Variants in IBTK observed in about 807,000 individuals in gnomAD.
IBTK encodes inhibitor of Bruton tyrosine kinase, also known as BTK-binding protein.
IBTK carries 83 observed loss-of-function variants against 154.9 expected under a neutral mutation model. The ratio of observed to expected loss-of-function variants is 0.54; its 90% CI spans 0.45 to 0.64. The LOEUF (loss-of-function observed/expected upper bound fraction) is 0.64. IBTK is among the 30% of genes least tolerant of loss of function. The probability of loss-of-function intolerance (pLI) is 0.00; values close to 1 mark genes in which losing one functional copy is unlikely to be tolerated. For synonymous variants in IBTK, 515 were observed against 536.1 expected (o/e 0.96, Z 0.54); for missense variants, 1,332 against 1,584.6 (o/e 0.84, Z 2.71).
chr6:82,173,295 C>A lies in IBTK; in HGVS notation c.3797+72G>T. The A allele has an allele frequency of 1.8e-6, 2 of 1,121,414 alleles. 1 individual carries two copies. The highest frequency in any genetic ancestry group is 4.8e-5 in the East Asian group (2 of 41,536). 69.5% of individuals were successfully genotyped at this position (1,121,414 alleles called of 1,614,324 possible). ...GGGATTATAGGCATGAGCCACTGCA[C>A]TCAGCCTTAATGTTTTCAATGCTAA... is the stretch of plus-strand genomic sequence containing the variant. On this transcript the variant is annotated intron_variant, in intron 27 of 28. Transcript: ENST00000306270.
chr6:82,172,059 C>T (rs1422303141), intron 28 of IBTK, among the ~76,000 whole-genome samples: 1 of 152,086 alleles, frequency 6.6e-6, no homozygotes, highest in Non-Finnish European at 1.5e-5. Flanking sequence ...AGAATTCTTA[C>T]TGATACAGAA....
rs113518404 is a variant in IBTK, at chr6:82,188,133, G to A, written c.3575+2940C>T. ...CAGGGGTCCCTAAGGAATCTGATAC[G>A]TTACCCTATAGTCACACCTATCAGT... is the stretch of plus-strand genomic sequence containing the variant. On this transcript the variant is annotated intron_variant, in intron 25 of 28. Coordinates refer to ENST00000306270, the MANE Select transcript of IBTK (RefSeq NM_015525.4). 3.1e-3 allele frequency among the ~76,000 whole-genome samples: 469 copies of A among 152,246 alleles called. 4 individuals carry two copies. The highest frequency in any genetic ancestry group is 0.01 in the African/African-American group (430 of 41,560).
rs1771096482 is a variant in IBTK at position 82,245,145 on chromosome 6, A to G, written c.-358+2417T>C. 2.0e-5 allele frequency among the ~76,000 whole-genome samples: 3 copies of G among 152,340 alleles called. No homozygotes were observed. In the South Asian group the frequency reaches 6.2e-4, roughly 32 times the overall value. ...TTATTTAGGCAAGTAACTAAAACATATCATAATTATAAACCTATGGTCAAG... is the reference window on the plus strand; with the variant it reads ...TTATTTAGGCAAGTAACTAAAACATGTCATAATTATAAACCTATGGTCAAG... On this transcript the variant is annotated intron_variant, in intron 1 of 28. Transcript: ENST00000306270.
At chr6:82,199,396 G>A (rs1769116630) in intron 21 of IBTK, among the ~76,000 whole-genome samples, 2 of 152,046 alleles carry the variant, frequency 1.3e-5, no homozygotes, top group African/African-American at 4.8e-5. Context: ...CATCTTTTCA[G>A]TAAGTTAAAT....
intron 16 of IBTK, among the ~76,000 whole-genome samples, chr6:82,209,667 A>C (rs867780189): frequency 2.0e-5 from 3 of 152,350 alleles, no homozygotes; most frequent in Middle Eastern, 3.4e-3. Context: ...ATTCATAAAC[A>C]TACTAAAAAC....
intron 25 of IBTK, among the ~76,000 whole-genome samples, chr6:82,184,380 A>T (rs1175237718): frequency 6.6e-6 from 1 of 152,198 alleles, no homozygotes; most frequent in Non-Finnish European, 1.5e-5. Context: ...TTTATATTGT[A>T]TGGGTTAGCT....
At chr6:82,225,693 C>T (rs1408503062) in intron 5 of IBTK, 46 bp from the exon 6 acceptor site, 4 of 1,381,710 alleles carry the variant, frequency 2.9e-6, no homozygotes, top group Non-Finnish European at 4.0e-6. Flanking sequence ...ACCATTTATA[C>T]AGATATGCAA....
At chr6:82,188,201 TAAGAG>T (rs987697495) in intron 25 of IBTK, among the ~76,000 whole-genome samples, 2 of 152,142 alleles carry the variant, frequency 1.3e-5, no homozygotes, top group African/African-American at 4.8e-5. Context: ...AGTCAGAACT[TAAGAG>T]AAAACAATCA....
At chr6:82,245,988 G>A (rs1375284308) in intron 1 of IBTK, among the ~76,000 whole-genome samples, 1 of 152,148 alleles carries the variant, frequency 6.6e-6, no homozygotes, top group African/African-American at 2.4e-5. Flanking sequence ...ATTATACACA[G>A]TGCTCTACAT....
At chr6:82,174,680 T>TTACTA (rs2127796208) in intron 26 of IBTK, among the ~76,000 whole-genome samples, 1 of 152,106 alleles carries the variant, frequency 6.6e-6, no homozygotes, top group Non-Finnish European at 1.5e-5. Flanking sequence ...GCAAACAAAT[T>TTACTA]TACTAAAAGC....
At chr6:82,209,211 G>A (rs1483667855) in intron 16 of IBTK, among the ~76,000 whole-genome samples, 3 of 152,106 alleles carry the variant, frequency 2.0e-5, no homozygotes, top group Non-Finnish European at 2.9e-5. Flanking sequence ...CAGCATTTCC[G>A]CTTCTAGGTA....
At chr6:82,179,295 A>G (rs937181910) in intron 26 of IBTK, among the ~76,000 whole-genome samples, 7 of 152,258 alleles carry the variant, frequency 4.6e-5, no homozygotes, top group African/African-American at 1.4e-4. Flanking sequence ...AGGCTGTTCT[A>G]TGTTTTGTCT....
At chr6:82,233,052 TGA>T (rs1770568303) in intron 3 of IBTK, among the ~76,000 whole-genome samples, 1 of 149,790 alleles carries the variant, frequency 6.7e-6, no homozygotes, top group African/African-American at 2.5e-5. Context: ...CTCAGGAGGC[TGA>T]GAGAAGAGAG....
intron 16 of IBTK, among the ~76,000 whole-genome samples, 177 bp downstream of exon 16, chr6:82,210,637 C>A (rs1769599902): frequency 6.6e-6 from 1 of 151,338 alleles, no homozygotes; most frequent in African/African-American, 2.4e-5. Context: ...CTAGCCTGGG[C>A]AACATAGTAA....
At position 82,194,606 on chromosome 6, in the gene IBTK, C is replaced by T. The variant is rs748847598; in HGVS notation, c.3211G>A (p.Val1071Met). Residue 1071 changes from valine (V) to methionine (M), a missense_variant, in exon 23 of 29, where the codon GTG becomes ATG. Around this residue, in one of 3 missense-constraint regions of IBTK, gnomAD observed 1,134 missense variants for 1,274.7 expected, o/e 0.89. Coordinates refer to ENST00000306270, the MANE Select transcript of IBTK (RefSeq NM_015525.4). Reference protein sequence around the residue: ...VKPYVNGTSPVYSREDLKPWE... With the variant: ...VKPYVNGTSPMYSREDLKPWE... Reference sequence around the variant, plus strand: ...GGTTTTAAATCTTCCCTAGAATACACAGGAGATGTACCATTAACATACGGT... The same window carrying T: ...GGTTTTAAATCTTCCCTAGAATACATAGGAGATGTACCATTAACATACGGT... 3 of 1,606,316 alleles carry T rather than the reference C, an allele frequency of 1.9e-6. No individual in the cohort carries two copies. The highest frequency in any genetic ancestry group is 1.7e-5 in the Admixed American group (1 of 59,108).
rs1431630200 is a variant in IBTK at position 82,200,053 on chromosome 6, T to C, written c.3025+88A>G. ...TCACTTTTGGTACCTCCATAAGGACTGTTTATTTCAGTAGCCCCAGCAGAT... is the reference window on the plus strand; with the variant it reads ...TCACTTTTGGTACCTCCATAAGGACCGTTTATTTCAGTAGCCCCAGCAGAT... On this transcript the variant is annotated intron_variant, in intron 21 of 28. Transcript: ENST00000306270. 3.6e-6 allele frequency: 3 copies of C among 829,870 alleles called. No homozygotes were observed. The African/African-American group carries it at 5.1e-5, about 14-fold the overall frequency. The allele number at this position is 829,870 out of a possible 1,614,324, so 51.4% of individuals were successfully genotyped here. A position where few individuals can be genotyped will look rare whatever the true frequency, so the allele number is the denominator to read the frequency against.
At chr6:82,196,934 A>G (rs544099044) in intron 21 of IBTK, among the ~76,000 whole-genome samples, 5 of 152,192 alleles carry the variant, frequency 3.3e-5, no homozygotes, top group Non-Finnish European at 7.3e-5. Context: ...ACCCCATAGC[A>G]GAGGCTCCCG....
intron 23 of IBTK, among the ~76,000 whole-genome samples, chr6:82,193,775 G>A (rs562726247): frequency 2.5e-4 from 38 of 151,908 alleles, no homozygotes; most frequent in African/African-American, 2.4e-5. Flanking sequence ...TCCGCCTCCC[G>A]GGTTCAAACG....
chr6:82,176,625 TA>T (rs1269450831), intron 26 of IBTK, among the ~76,000 whole-genome samples: 1 of 146,322 alleles, frequency 6.8e-6, no homozygotes, highest in Non-Finnish European at 1.5e-5. Context: ...GCACATGAAA[TA>T]AAAAAGAATA....
Sources: gnomAD v4.1 joint callset for allele counts (sites outside exome capture counted in the v4.1 genomes callset) on GRCh38, gnomAD v4.1.1 for gene constraint, gnomAD v4.1.1 regional missense constraint, MANE v1.5 for transcripts, NCBI Gene and HGNC (gene_info 2026-07-23, HGNC 2026-07-21) for gene names.